The following KATNIP variants were observed in gnomAD, a reference collection of about 807,000 sequenced individuals.
KATNIP encodes katanin-interacting protein.
KATNIP carries 126 observed loss-of-function variants against 174.0 expected under a neutral mutation model. That is an observed-to-expected ratio of 0.72 (90% CI 0.63 to 0.84). The LOEUF is 0.84. KATNIP is among the 40% of genes least tolerant of loss of function. The pLI, the probability that KATNIP is intolerant of heterozygous loss-of-function variation, is 0.00. For missense variants in KATNIP, 1,958 were observed against 2,109.7 expected, an observed-to-expected ratio of 0.93 and a Z score of 1.41; for synonymous variants, 810 against 835.7, an observed-to-expected ratio of 0.97 and a Z score of 0.53.
chr16:27,745,371 G>T (rs868169302), intron 15 of KATNIP, among the ~76,000 whole-genome samples: 1 of 152,206 alleles, frequency 6.6e-6, no homozygotes, highest in Non-Finnish European at 1.5e-5. Context: ...CACGATATCA[G>T]CTTTCTCTGC....
In KATNIP at chr16:27,630,240, C is replaced by G. The variant is rs190821727; in HGVS notation, c.311-825C>G. ...CTTAGGCAGTTAGGACCTCTCTGACCCTCAGTTTCCTCTTGCATAAAATGG... is the reference window on the plus strand; with the variant it reads ...CTTAGGCAGTTAGGACCTCTCTGACGCTCAGTTTCCTCTTGCATAAAATGG... On this transcript the variant is annotated intron_variant, in intron 4 of 27. Coordinates refer to ENST00000261588, the MANE Select transcript of KATNIP (RefSeq NM_015202.5). Among the ~76,000 whole-genome samples, 14 of 152,228 alleles carry G rather than the reference C, an allele frequency of 9.2e-5. No individual in the cohort carries two copies. In the East Asian group the frequency reaches 2.5e-3, roughly 27 times the overall value.
chr16:27,724,338 G>T (rs943136862), intron 14 of KATNIP, among the ~76,000 whole-genome samples: 8 of 152,256 alleles, frequency 5.3e-5, no homozygotes, highest in Non-Finnish European at 1.2e-4. Flanking sequence ...GTGCCCTGCA[G>T]CTCGGCCCTG....
At chr16:27,719,322 C>G (rs984205786) in intron 13 of KATNIP, among the ~76,000 whole-genome samples, 1 of 152,164 alleles carries the variant, frequency 6.6e-6, no homozygotes, top group South Asian at 2.1e-4. Flanking sequence ...CCATGTCTTC[C>G]GAGTCTGCAG....
intron 3 of KATNIP, among the ~76,000 whole-genome samples, chr16:27,624,652 CA>C (rs1032191340): frequency 8.2e-5 from 12 of 146,268 alleles, no homozygotes; most frequent in East Asian, 4.0e-4. Flanking sequence ...CCTGTCTCTA[CA>C]AAAAAAAAAT....
At chr16:27,753,769 CCCTCCTTCCTTT>C (rs1462868340) in intron 17 of KATNIP, among the ~76,000 whole-genome samples, 1 of 141,624 alleles carries the variant, frequency 7.1e-6, no homozygotes, top group Non-Finnish European at 1.5e-5. Context: ...TTTCCTCCTT[CCCTCCTTCCTTT>C]CCTCCTTCCT....
chr16:27,758,509 C>G (rs1223585776), intron 18 of KATNIP, among the ~76,000 whole-genome samples: 1 of 152,120 alleles, frequency 6.6e-6, no homozygotes, highest in Non-Finnish European at 1.5e-5. Context: ...ATGTTGCTCC[C>G]CTGCTTCAAC....
In KATNIP at chr16:27,775,102, G is replaced by T; in HGVS notation, c.4449+18G>T. ...CGGGCCTGGTGGGTTCCCGGCAGCG[G>T]CCACCGCAGCTCCTGGCCCTCAGGC... On this transcript the variant is annotated intron_variant, in intron 24 of 27. Coordinates refer to ENST00000261588, the MANE Select transcript of KATNIP (RefSeq NM_015202.5). 6.2e-7 allele frequency: 1 copy of T among 1,607,946 alleles called. No individual in the cohort carries two copies.
rs1413957708 is a variant in KATNIP, at chr16:27,632,712, C to A, written c.408+1550C>A. ...AGGGGCAGCAGGCTGTTGGTTGATA[C>A]CAGTGGTGGAGTCTTTGAAAAGGGC... On this transcript the variant is annotated intron_variant, in intron 5 of 27. Coordinates refer to ENST00000261588, the MANE Select transcript of KATNIP (RefSeq NM_015202.5). The A allele has an allele frequency of 1.1e-5, 5 of 444,656 alleles. 1 individual carries two copies. The highest frequency in any genetic ancestry group is 7.8e-5 in the South Asian group (5 of 63,934). The allele number at this position is 444,656 out of a possible 1,614,324, so 27.5% of individuals were successfully genotyped here. A position where few individuals can be genotyped will look rare whatever the true frequency, so the allele number is the denominator to read the frequency against.
At chr16:27,671,461 T>C (rs148488402) in intron 6 of KATNIP, among the ~76,000 whole-genome samples, 14 of 152,356 alleles carry the variant, frequency 9.2e-5, no homozygotes, top group East Asian at 1.9e-4. Flanking sequence ...CCGTCTCTCA[T>C]TGATAACCAT....
At chr16:27,658,345 G>A (rs2077364752) in intron 6 of KATNIP, among the ~76,000 whole-genome samples, 1 of 152,184 alleles carries the variant, frequency 6.6e-6, no homozygotes, top group Non-Finnish European at 1.5e-5. Flanking sequence ...AGAATTTGTA[G>A]ATAGGAGGTA....
rs776722077 is a variant in KATNIP, at chr16:27,618,405, G to T, written c.64-20G>T. On this transcript the variant is annotated intron_variant, in intron 2 of 27. Transcript: ENST00000261588. Reference sequence around the variant, plus strand: ...CTTCCCTGCATTCCGATATCACACTGCTCTGTTTCTTCATTTCAGGGTTAC... The same window carrying T: ...CTTCCCTGCATTCCGATATCACACTTCTCTGTTTCTTCATTTCAGGGTTAC... 6.3e-7 allele frequency: 1 copy of T among 1,588,570 alleles called. No individual in the cohort carries two copies. Among genetic ancestry groups the T allele is most frequent in the South Asian group, 1.1e-5 (1 of 90,426 alleles).
chr16:27,677,576 C>T (rs767033216), intron 6 of KATNIP, 153 bp from the exon 7 acceptor site: 7 of 324,006 alleles, frequency 2.2e-5, no homozygotes, highest in Non-Finnish European at 3.1e-5. Context: ...TTTGTTTTCT[C>T]GTCTTCAAAG....
intron 6 of KATNIP, among the ~76,000 whole-genome samples, chr16:27,666,619 T>C (rs148441546): frequency 0.011 from 1,620 of 152,302 alleles, 17 homozygotes; most frequent in Middle Eastern, 0.034. Context: ...GGTTTCACCA[T>C]GTTGACCAGG....
intron 6 of KATNIP, among the ~76,000 whole-genome samples, chr16:27,667,763 T>A (rs1373086659): frequency 6.6e-6 from 1 of 152,200 alleles, no homozygotes; most frequent in Admixed American, 6.5e-5. Context: ...AAATTTTAAA[T>A]TTTCTGTAAA....
intron 5 of KATNIP, among the ~76,000 whole-genome samples, chr16:27,636,119 A>C (rs1472972019): frequency 6.6e-6 from 1 of 152,094 alleles, no homozygotes; most frequent in Non-Finnish European, 1.5e-5. Context: ...GCACCACTGC[A>C]CTCTAGCCTG....
At chr16:27,755,115 CT>C (rs60668392) in intron 18 of KATNIP, 7,040 of 152,610 alleles carry the variant, frequency 0.046, 311 homozygotes, top group African/African-American at 0.11. Context: ...CTCCTGCCCC[CT>C]GTGAATGTGA....
intron 12 of KATNIP, among the ~76,000 whole-genome samples, chr16:27,706,504 G>A (rs2079310223): frequency 6.6e-6 from 1 of 152,212 alleles, no homozygotes; most frequent in Non-Finnish European, 1.5e-5. Flanking sequence ...CAAGAGCGGG[G>A]ACAATGAATG....
At position 27,774,997 on chromosome 16, in the gene KATNIP, C is replaced by T. The variant is rs1040678296; in HGVS notation, c.4362C>T (p.Asp1454=). ...SVNSLEGVGG[D]VRTPDKLIDQ... Reference sequence around the variant, plus strand: ...ACTCCCTGGAGGGTGTGGGCGGGGACGTCCGCACCCCAGACAAGCTCATCG... The same window carrying T: ...ACTCCCTGGAGGGTGTGGGCGGGGATGTCCGCACCCCAGACAAGCTCATCG... The change falls in exon 24 of 28, where the codon GAC becomes GAT. Residue 1454 remains aspartate (D), a synonymous_variant. Transcript: ENST00000261588. 3.1e-6 allele frequency: 5 copies of T among 1,613,664 alleles called. No homozygotes were observed. The highest frequency in any genetic ancestry group is 2.2e-5 in the East Asian group (1 of 44,852).
At position 27,740,175 on chromosome 16, in the gene KATNIP, C is replaced by T. The variant is rs746451930; in HGVS notation, c.1878C>T (p.Ser626=). Residue 626 remains serine (S), a synonymous_variant, in exon 15 of 28, where the codon AGC becomes AGT. Transcript: ENST00000261588. ...TGGTTGACCAGAAGAACGAGAAGAG[C>T]GAGCAACTAGAGGAGGCCATGAACG... ...SILVDQKNEK[S]EQLEEAMNAH... is the part of the protein sequence containing the mutation. 9.9e-6 allele frequency: 16 copies of T among 1,613,996 alleles called. No homozygotes were observed. The highest frequency in any genetic ancestry group is 5.0e-5 in the Admixed American group (3 of 59,980).
Sources: allele counts gnomAD v4.1 joint callset (sites outside exome capture counted in the v4.1 genomes callset), GRCh38; gene constraint gnomAD v4.1.1; transcripts MANE v1.5; gene names NCBI Gene and HGNC (gene_info 2026-07-23, HGNC 2026-07-21).